The following PRKN variants were observed in gnomAD, a reference collection of about 807,000 sequenced individuals.
The protein encoded by PRKN is E3 ubiquitin-protein ligase parkin.
A neutral mutation model predicts 59.5 loss-of-function variants in PRKN; 56 were observed. The observed-to-expected ratio is 0.94, with a 90% CI of 0.76 to 1.18. The LOEUF (loss-of-function observed/expected upper bound fraction) is 1.18, where lower values mean the gene tolerates loss of function less well. PRKN is among the 50% of genes most tolerant of loss of function. The pLI, the probability that PRKN is intolerant of heterozygous loss-of-function variation, is 0.00. For missense variants in PRKN, 657 were observed against 596.4 expected, an observed-to-expected ratio of 1.10 and a Z score of -1.06; for synonymous variants, 250 against 222.1, an observed-to-expected ratio of 1.13 and a Z score of -1.12.
chr6:161,984,127 G>A (rs955397529), intron 5 of PRKN, among the ~76,000 whole-genome samples: 1 of 152,074 alleles, frequency 6.6e-6, no homozygotes, highest in Non-Finnish European at 1.5e-5. Context: ...ACCACAATGA[G>A]ATACCTGTCT....
In PRKN at chr6:162,526,696, C is replaced by T. The variant is rs192537665; in HGVS notation, c.8-83223G>A. Among the ~76,000 whole-genome samples, 104 of 151,548 alleles carry T rather than the reference C, an allele frequency of 6.9e-4. 1 individual carries two copies. The South Asian group carries it at 9.6e-3, about 14-fold the overall frequency. ...AAAGTAATAAAAGTCCAGCCCATAGCCTGGTAGAAGATAGCTAGATGGAAG... is the reference window on the plus strand; with the variant it reads ...AAAGTAATAAAAGTCCAGCCCATAGTCTGGTAGAAGATAGCTAGATGGAAG... On this transcript the variant is annotated intron_variant, in intron 1 of 11. Coordinates refer to ENST00000366898, the MANE Select transcript of PRKN (RefSeq NM_004562.3).
intron 10 of PRKN, among the ~76,000 whole-genome samples, chr6:161,382,564 A>G (rs1469313071): frequency 6.6e-6 from 1 of 152,190 alleles, no homozygotes; most frequent in East Asian, 1.9e-4. Context: ...GCAAGTGTGT[A>G]GTTATTAGCA....
chr6:161,658,006 ACT>A (rs1784410695), intron 7 of PRKN, among the ~76,000 whole-genome samples: 1 of 135,474 alleles, frequency 7.4e-6, no homozygotes, highest in Non-Finnish European at 1.5e-5. Context: ...ACAGACTGAG[ACT>A]CTGTCTCAAA....
At chr6:161,838,736 C>A (rs1792862427) in intron 6 of PRKN, among the ~76,000 whole-genome samples, 1 of 152,232 alleles carries the variant, frequency 6.6e-6, no homozygotes, top group African/African-American at 2.4e-5. Flanking sequence ...AGGGAGGAGA[C>A]ACAAGCATGC....
At chr6:162,584,895 C>T (rs141141227) in intron 1 of PRKN, among the ~76,000 whole-genome samples, 1,207 of 60,354 alleles carry the variant, frequency 0.02, 56 homozygotes, top group East Asian at 0.064. Flanking sequence ...CCCTCCCCTC[C>T]CCTCTCCTCT....
chr6:162,214,907 T>C (rs1263223111), intron 3 of PRKN, among the ~76,000 whole-genome samples: 2 of 152,164 alleles, frequency 1.3e-5, no homozygotes, highest in Non-Finnish European at 2.9e-5. Flanking sequence ...AGAGAGAAGA[T>C]TGTTAAGGCT....
chr6:162,332,820 C>G (rs1783645124), intron 2 of PRKN, among the ~76,000 whole-genome samples: 1 of 152,110 alleles, frequency 6.6e-6, no homozygotes, highest in Admixed American at 6.6e-5. Flanking sequence ...ACAGTTCCAT[C>G]CAATAGCACC....
chr6:161,626,427 T>C (rs1015951721), intron 7 of PRKN, among the ~76,000 whole-genome samples: 13 of 152,206 alleles, frequency 8.5e-5, no homozygotes, highest in Non-Finnish European at 1.8e-4. Flanking sequence ...CGCCAGTCCT[T>C]CCTTCAACCA....
chr6:162,714,601 G>A (rs1452703752), intron 1 of PRKN, among the ~76,000 whole-genome samples: 4 of 152,128 alleles, frequency 2.6e-5, no homozygotes, highest in African/African-American at 9.7e-5. Flanking sequence ...ATTGGATCAA[G>A]AAAAATCAAA....
At chr6:161,738,160 A>G (rs1179727092) in intron 7 of PRKN, among the ~76,000 whole-genome samples, 1 of 152,202 alleles carries the variant, frequency 6.6e-6, no homozygotes, top group Non-Finnish European at 1.5e-5. Context: ...TTCTATAAAT[A>G]GTAAAATATA....
chr6:162,474,319 C>T (rs184349598), intron 1 of PRKN, among the ~76,000 whole-genome samples: 378 of 152,274 alleles, frequency 2.5e-3, no homozygotes, highest in African/African-American at 8.2e-3. Flanking sequence ...GAAGAGTAAT[C>T]TACATGTATT....
intron 7 of PRKN, among the ~76,000 whole-genome samples, chr6:161,776,011 C>T (rs1448187805): frequency 6.6e-6 from 1 of 152,114 alleles, no homozygotes; most frequent in Non-Finnish European, 1.5e-5. Flanking sequence ...AAAACATAAC[C>T]GATGGACTTG....
rs972437236 is a variant in PRKN at position 161,395,663 on chromosome 6, C to A, written c.1084-8786G>T. Among the ~76,000 whole-genome samples the A allele has an allele frequency of 1.5e-4, 23 of 152,190 alleles. No individual in the cohort carries two copies. Among genetic ancestry groups the A allele is most frequent in the African/African-American group, 5.6e-4 (23 of 41,438 alleles). Reference sequence around the variant, plus strand: ...GCTTTAAAAGAATATCAAATACATCCCAGCACTTTTGCTAAGACCTTCTTT... The same window carrying A: ...GCTTTAAAAGAATATCAAATACATCACAGCACTTTTGCTAAGACCTTCTTT... On this transcript the variant is annotated intron_variant, in intron 9 of 11. Coordinates refer to ENST00000366898, the MANE Select transcript of PRKN (RefSeq NM_004562.3). This position sits in a 1 kb window ranked among gnomAD's most constrained non-coding sequence, Gnocchi z 5.0.
intron 4 of PRKN, among the ~76,000 whole-genome samples, chr6:162,062,466 A>G (rs936277229): frequency 6.6e-6 from 1 of 152,170 alleles, no homozygotes; most frequent in African/African-American, 2.4e-5. Flanking sequence ...TTTAAGTACT[A>G]ACCCCCAGTT....
chr6:161,974,042 G>A (rs900518510), intron 5 of PRKN, among the ~76,000 whole-genome samples: 5 of 152,170 alleles, frequency 3.3e-5, no homozygotes, highest in Admixed American at 1.3e-4. Flanking sequence ...TGAGGCGGGC[G>A]GATCACCTGG....
chr6:162,365,259 T>C (rs1215391503), intron 2 of PRKN, among the ~76,000 whole-genome samples: 1 of 152,184 alleles, frequency 6.6e-6, no homozygotes, highest in Admixed American at 6.5e-5. Flanking sequence ...TGTAAGTGTA[T>C]TGTTCTGTAA....
At chr6:161,777,224 C>G (rs1049275378) in intron 7 of PRKN, among the ~76,000 whole-genome samples, 1 of 152,114 alleles carries the variant, frequency 6.6e-6, no homozygotes, top group Admixed American at 6.6e-5. Flanking sequence ...ATAGTAAGCG[C>G]TCATTAATCA....
chr6:161,485,469 G>A (rs1315352229), intron 9 of PRKN, among the ~76,000 whole-genome samples: 1 of 152,228 alleles, frequency 6.6e-6, no homozygotes, highest in Middle Eastern at 3.4e-3. Context: ...GTAACAACTG[G>A]AGTTAGAAAT....
Position 162,409,504 on chromosome 6 carries a change from T to C in PRKN, c.171+33806A>G, listed in dbSNP as rs1284973222. Among the ~76,000 whole-genome samples the C allele has an allele frequency of 2.0e-5, 3 of 152,160 alleles. No individual in the cohort carries two copies. The East Asian group carries it at 5.8e-4, about 29-fold the overall frequency. ...ACCCCACCCTCACCCCATGCACTTT[T>C]GCATGATTATCAATATGGGTTGAAC... On this transcript the variant is annotated intron_variant, in intron 2 of 11. Coordinates refer to ENST00000366898, the MANE Select transcript of PRKN (RefSeq NM_004562.3).
Sources: allele counts gnomAD v4.1 joint callset (sites outside exome capture counted in the v4.1 genomes callset), GRCh38; gene constraint gnomAD v4.1.1; non-coding constraint Gnocchi (gnomAD v3.1); transcripts MANE v1.5; gene names NCBI Gene and HGNC (gene_info 2026-07-23, HGNC 2026-07-21).